Variants in PCDH15 observed in about 807,000 individuals in gnomAD.
The protein encoded by PCDH15 is protocadherin related 15, also known as protocadherin-15.
Under a neutral mutation model 178.5 loss-of-function variants are expected in PCDH15, and 129 were observed. The ratio of observed to expected loss-of-function variants is 0.72; its 90% CI spans 0.63 to 0.84. The LOEUF is 0.84. Among genes scored for constraint, PCDH15 ranks in the 40% least tolerant of loss-of-function variants. The pLI is 0.00. For synonymous variants in PCDH15, 800 were observed against 732.0 expected (o/e 1.09, Z -1.50); for missense variants, 2,230 against 2,099.9 (o/e 1.06, Z -1.21).
chr10:55,355,919 C>T (rs1018607407), intron 2 of PCDH15, among the ~76,000 whole-genome samples: 1 of 151,882 alleles, frequency 6.6e-6, no homozygotes, highest in Non-Finnish European at 1.5e-5. Flanking sequence ...AGAGTAAGGT[C>T]AGCAAATAAT....
At chr10:55,255,276 A>G (rs1393963101) in intron 1 of PCDH15, among the ~76,000 whole-genome samples, 4 of 152,224 alleles carry the variant, frequency 2.6e-5, no homozygotes, top group African/African-American at 4.8e-5. Context: ...TACAAAGGAC[A>G]TGAACTCATC....
chr10:53,964,389 T>TTTTATTTATTCATAAAATTTTTATAAAA (rs2088729946), intron 21 of PCDH15, among the ~76,000 whole-genome samples: 1 of 147,804 alleles, frequency 6.8e-6, no homozygotes, highest in Non-Finnish European at 1.5e-5. Flanking sequence ...TATTTATAAA[T>TTTTATTTATTCATAAAATTTTTATAAAA]TTTATTTATT....
chr10:54,421,914 A>ATATATATATACACTATATATATATAC (rs1565232265), intron 3 of PCDH15, among the ~76,000 whole-genome samples: 1 of 20,672 alleles, frequency 4.8e-5, no homozygotes, highest in South Asian at 7.9e-4. Flanking sequence ...TATATACACT[A>ATATATATATACACTATATATATATAC]TATATATATA....
At chr10:53,921,779 T>G (rs903334102) in intron 25 of PCDH15, among the ~76,000 whole-genome samples, 1 of 152,194 alleles carries the variant, frequency 6.6e-6, no homozygotes, top group Admixed American at 6.6e-5. Flanking sequence ...CTGATATGAT[T>G]CCTTTAGTAT....
At chr10:55,283,827 GT>G (rs1842796805) in intron 1 of PCDH15, among the ~76,000 whole-genome samples, 1 of 152,022 alleles carries the variant, frequency 6.6e-6, no homozygotes, top group Non-Finnish European at 1.5e-5. Flanking sequence ...ACTAAAAGTT[GT>G]TTGGAAACTA....
intron 10 of PCDH15, among the ~76,000 whole-genome samples, chr10:54,206,901 A>T (rs1591168964): frequency 6.6e-6 from 1 of 152,050 alleles, no homozygotes; most frequent in Admixed American, 6.6e-5. Context: ...GAGTGGGGAG[A>T]CGTGACAAGG....
intron 3 of PCDH15, among the ~76,000 whole-genome samples, chr10:54,455,646 T>C (rs1395801023): frequency 6.6e-6 from 1 of 152,136 alleles, no homozygotes; most frequent in Non-Finnish European, 1.5e-5. Flanking sequence ...ATTTGCAACC[T>C]GATGATGTGA....
intron 1 of PCDH15, among the ~76,000 whole-genome samples, chr10:54,689,334 T>C (rs932997888): frequency 6.6e-6 from 1 of 152,170 alleles, no homozygotes; most frequent in African/African-American, 2.4e-5. Flanking sequence ...TTTTTGGATA[T>C]GGTAACTACC....
chr10:53,921,427 T>C (rs1160447683), intron 25 of PCDH15, among the ~76,000 whole-genome samples: 1 of 152,070 alleles, frequency 6.6e-6, no homozygotes, highest in East Asian at 1.9e-4. Flanking sequence ...CACTTCCTCC[T>C]TTATTTTGGC....
At position 55,234,096 on chromosome 10, in the gene PCDH15, C is replaced by T. The variant is rs78548813; in HGVS notation, c.-155-67445G>A. ...TAGATGTAGTCTTTACATATACACC[C>T]TTCCCCTCTTGACACGCACACCCAT... On this transcript the variant is annotated intron_variant, in intron 1 of 5. Transcript: ENST00000458638. 3.1e-3 allele frequency among the ~76,000 whole-genome samples: 469 copies of T among 152,138 alleles called. 4 individuals are homozygous for T. The highest frequency in any genetic ancestry group is 0.011 in the African/African-American group (446 of 41,484).
chr10:55,413,592 A>C (rs1838400306), intron 2 of PCDH15, among the ~76,000 whole-genome samples: 1 of 151,800 alleles, frequency 6.6e-6, no homozygotes, highest in South Asian at 2.1e-4. Flanking sequence ...AACTTTAAAC[A>C]AAAGAGACTC....
At chr10:54,242,128 TTTTATATATATATA>T (rs1266894755) in intron 8 of PCDH15, among the ~76,000 whole-genome samples, 3,311 of 61,816 alleles carry the variant, frequency 0.054, 225 homozygotes, top group Non-Finnish European at 0.064. Context: ...TGAATTCTAT[TTTTATATATATATA>T]TATATATATA....
intron 2 of PCDH15, among the ~76,000 whole-genome samples, chr10:55,454,489 C>T (rs1839505108): frequency 6.6e-6 from 1 of 151,780 alleles, no homozygotes; most frequent in South Asian, 2.1e-4. Flanking sequence ...AGAAGTTTAG[C>T]TAGATAGGCC....
chr10:54,813,291 G>T (rs565954137), intron 3 of PCDH15, among the ~76,000 whole-genome samples: 2 of 152,302 alleles, frequency 1.3e-5, no homozygotes, highest in East Asian at 3.9e-4. Context: ...TGGAGCAGAT[G>T]ATGCCCAAGT....
chr10:53,817,086 T>C (rs528522680), intron 34 of PCDH15, among the ~76,000 whole-genome samples: 10 of 152,340 alleles, frequency 6.6e-5, no homozygotes, highest in African/African-American at 9.6e-5. Flanking sequence ...AATTCCATCA[T>C]TGAACCCACT....
chr10:55,393,387 G>A (rs1837846898), intron 2 of PCDH15, among the ~76,000 whole-genome samples: 2 of 152,058 alleles, frequency 1.3e-5, no homozygotes, highest in African/African-American at 4.8e-5. Flanking sequence ...TAGAACTGGT[G>A]GAACTAAAGC....
chr10:54,536,769 T>A (rs1378359812), intron 2 of PCDH15, among the ~76,000 whole-genome samples: 1 of 152,162 alleles, frequency 6.6e-6, no homozygotes, highest in African/African-American at 2.4e-5. Context: ...GTTCCTGTGT[T>A]AACTTGCTTA....
At chr10:54,200,637 A>G (rs2050139551) in intron 10 of PCDH15, among the ~76,000 whole-genome samples, 1 of 152,100 alleles carries the variant, frequency 6.6e-6, no homozygotes, top group African/African-American at 2.4e-5. Flanking sequence ...TTACATTGCT[A>G]AAAGCAATAT....
At chr10:54,404,194 A>G (rs1238835478) in intron 3 of PCDH15, among the ~76,000 whole-genome samples, 1 of 151,882 alleles carries the variant, frequency 6.6e-6, no homozygotes, top group Non-Finnish European at 1.5e-5. Flanking sequence ...AGGCCCCAAA[A>G]AAGGACCTGA....
Sources: allele counts gnomAD v4.1 joint callset (sites outside exome capture counted in the v4.1 genomes callset), GRCh38; gene constraint gnomAD v4.1.1; transcripts MANE v1.5; gene names NCBI Gene and HGNC (gene_info 2026-07-23, HGNC 2026-07-21).